MRPL58: variants seen among roughly 807,000 people sequenced by gnomAD.
MRPL58 encodes the protein mitochondrial ribosomal protein L58, also known as large ribosomal subunit protein mL62.
Under a neutral mutation model 26.0 loss-of-function variants are expected in MRPL58, and 17 were observed. The ratio of observed to expected loss-of-function variants is 0.65; its 90% CI spans 0.45 to 0.98. The LOEUF (loss-of-function observed/expected upper bound fraction) is 0.98. Ranked by LOEUF, MRPL58 falls within the 50% of genes least tolerant of loss-of-function variation. The pLI, the probability that MRPL58 is intolerant of heterozygous loss-of-function variation, is 0.00. For missense variants in MRPL58, 250 were observed against 269.0 expected (o/e 0.93, Z 0.49); for synonymous variants, 100 against 99.7 (o/e 1.00, Z -0.02).
intron 2 of MRPL58, among the ~76,000 whole-genome samples, chr17:75,017,355 G>A (rs1381377103): frequency 6.6e-6 from 1 of 152,058 alleles, no homozygotes; most frequent in Non-Finnish European, 1.5e-5. Flanking sequence ...TCTCATACCT[G>A]TAATCCCAAC....
intron 2 of MRPL58, among the ~76,000 whole-genome samples, chr17:75,019,401 A>G (rs1434233912): frequency 1.3e-5 from 2 of 152,162 alleles, no homozygotes; most frequent in Non-Finnish European, 2.9e-5. Context: ...AGCAATCACC[A>G]TGGCAGAACT....
chr17:75,020,163 G>A, intron 3 of MRPL58, 150 bp from the exon 4 acceptor site: 1 of 653,118 alleles, frequency 1.5e-6, no homozygotes, highest in Non-Finnish European at 2.7e-6. Context: ...GTCTTTGCGG[G>A]CTTGTTCATA....
At chr17:75,012,903 GT>G in intron 1 of MRPL58, 31 bp downstream of exon 1, 1 of 1,582,588 alleles carries the variant, frequency 6.3e-7, no homozygotes, top group Non-Finnish European at 8.6e-7. Flanking sequence ...CGGAAGGGGC[GT>G]TTTGTCAGGC....
chr17:75,020,299 C>A lies in MRPL58; in HGVS notation c.284-14C>A, dbSNP rs1266811268. ...TCTCAGGCACCCATGCTCCCTTCTC[C>A]CTTTCCTCCACAGTGAATTCCAAGG... On this transcript the variant is annotated splice_polypyrimidine_tract_variant and intron_variant, in intron 3 of 5. Transcript: ENST00000301585. 2 of 1,610,838 alleles carry A rather than the reference C, an allele frequency of 1.2e-6. No homozygotes were observed. Among genetic ancestry groups the A allele is most frequent in the Non-Finnish European group, 1.7e-6 (2 of 1,177,416 alleles).
At position 75,012,865 on chromosome 17, in the gene MRPL58, G is replaced by A; in HGVS notation, c.179G>A (p.Arg60Lys). The A allele has an allele frequency of 1.2e-6, 2 of 1,606,742 alleles. No homozygotes were observed. Among genetic ancestry groups the A allele is most frequent in the African/African-American group, 1.4e-5 (1 of 74,036 alleles). Residue 60 changes from arginine (R) to lysine (K), a missense_variant, in exon 1 of 6, where the codon AGG (arginine) becomes AAG (lysine). Transcript: ENST00000301585. ...PESQGSDTAW[R>K]VPNGAKQADS... ...TCTCAGGGCTCGGACACCGCCTGGA[G>A]GGTCCCGGTGAGCCGGGAAGGACTG...
intron 1 of MRPL58, among the ~76,000 whole-genome samples, chr17:75,013,971 C>T (rs1042418924): frequency 3.9e-5 from 6 of 152,004 alleles, no homozygotes; most frequent in Non-Finnish European, 7.4e-5. Flanking sequence ...ACTCAGAGAG[C>T]CTTACAGAGA....
At chr17:75,016,019 A>T (rs2039971162) in intron 1 of MRPL58, among the ~76,000 whole-genome samples, 1 of 149,206 alleles carries the variant, frequency 6.7e-6, no homozygotes, top group African/African-American at 2.5e-5. Context: ...TCCTGACTTG[A>T]AGTGATCCAC....
chr17:75,016,219 C>A (rs560537756), intron 1 of MRPL58, among the ~76,000 whole-genome samples: 7 of 147,646 alleles, frequency 4.7e-5, no homozygotes, highest in Non-Finnish European at 1.0e-4. Flanking sequence ...GTCTGGCCAA[C>A]ATGGTGAAAC....
chr17:75,020,824 T>A, intron 5 of MRPL58, 97 bp from the exon 6 acceptor site: 1 of 1,207,496 alleles, frequency 8.3e-7, no homozygotes, highest in Non-Finnish European at 1.2e-6. Flanking sequence ...CCTGCTGGTG[T>A]AACTGCTCGG....
chr17:75,021,131 G>T lies in MRPL58; in HGVS notation c.*126G>T, dbSNP rs999163961. The T allele has an allele frequency of 6.1e-6, 4 of 658,432 alleles. No homozygotes were observed. Among genetic ancestry groups the T allele is most frequent in the South Asian group, 1.8e-5 (1 of 54,840 alleles). The allele number at this position is 658,432 out of a possible 1,614,324, so 40.8% of individuals were successfully genotyped here. ...GTTAATGCTTGTCTATAACATTGGA[G>T]CCATCACAAGAATGTTCATTTGGAA... On this transcript the variant is annotated 3_prime_UTR_variant, in exon 6 of 6. Transcript: ENST00000301585.
chr17:75,012,898 G>C (rs748378491), intron 1 of MRPL58, 26 bp downstream of exon 1: 7 of 1,589,940 alleles, frequency 4.4e-6, no homozygotes, highest in Non-Finnish European at 6.0e-6. Flanking sequence ...CTGGACGGAA[G>C]GGGCGTTTTG....
At chr17:75,019,566 T>C (rs1258978249) in intron 2 of MRPL58, 134 bp from the exon 3 acceptor site, 5 of 783,722 alleles carry the variant, frequency 6.4e-6, no homozygotes, top group Admixed American at 4.2e-5. Flanking sequence ...CACAGTTCCT[T>C]GCCACCCAAA....
chr17:75,020,853 A>G, intron 5 of MRPL58, 68 bp from the exon 6 acceptor site: 1 of 1,373,204 alleles, frequency 7.3e-7, no homozygotes, highest in Non-Finnish European at 1.0e-6. Flanking sequence ...TGAGCTCCCA[A>G]CTCCTCTCAC....
At chr17:75,017,914 ACT>A (rs1351746137) in intron 2 of MRPL58, among the ~76,000 whole-genome samples, 2 of 139,424 alleles carry the variant, frequency 1.4e-5, no homozygotes, top group Non-Finnish European at 3.0e-5. Context: ...ACACAGCGAG[ACT>A]CTGTCTCAGA....
chr17:75,012,964 C>A, intron 1 of MRPL58, 92 bp downstream of exon 1: 1 of 1,194,448 alleles, frequency 8.4e-7, no homozygotes, highest in Non-Finnish European at 1.2e-6. Context: ...TGTGGAGCTA[C>A]GTCGGGGGGC....
At chr17:75,020,105 T>G (rs1598670399) in intron 3 of MRPL58, 1 of 549,566 alleles carries the variant, frequency 1.8e-6, no homozygotes, top group East Asian at 3.0e-5. Flanking sequence ...AGAGAAGGAC[T>G]GGGTGCTTAG....
chr17:75,012,895 G>T (rs776786058), intron 1 of MRPL58, 23 bp downstream of exon 1: 2 of 1,591,616 alleles, frequency 1.3e-6, no homozygotes. Context: ...GGACTGGACG[G>T]AAGGGGCGTT....
Position 75,021,048 on chromosome 17 carries a change from C to A in MRPL58, c.*43C>A. The stretch of plus-strand genomic sequence containing the variant: ...GGGAGGGCTCTTCTGGGCGTCCGGG[C>A]AGCTGCAGCTGAGAGGACTTTCACA... On this transcript the variant is annotated 3_prime_UTR_variant, in exon 6 of 6. Coordinates refer to ENST00000301585, the MANE Select transcript of MRPL58 (RefSeq NM_001545.3). 7.6e-7 allele frequency: 1 copy of A among 1,320,706 alleles called. No individual in the cohort carries two copies. The allele number at this position is 1,320,706 out of a possible 1,614,324, so 81.8% of individuals were successfully genotyped here. A position where few individuals can be genotyped will look rare whatever the true frequency, so the allele number is the denominator to read the frequency against.
At chr17:75,016,745 G>A (rs1034468540) in intron 1 of MRPL58, among the ~76,000 whole-genome samples, 1 of 152,216 alleles carries the variant, frequency 6.6e-6, no homozygotes, top group African/African-American at 2.4e-5. Flanking sequence ...GGTTGACAGA[G>A]GGTGTTGCTT....
Sources: gnomAD v4.1 joint callset for allele counts (sites outside exome capture counted in the v4.1 genomes callset) on GRCh38, gnomAD v4.1.1 for gene constraint, MANE v1.5 for transcripts, NCBI Gene and HGNC (gene_info 2026-07-23, HGNC 2026-07-21) for gene names.